FGGY: variants seen among roughly 807,000 people sequenced by gnomAD.
FGGY encodes the protein FGGY carbohydrate kinase domain containing, also known as FGGY carbohydrate kinase domain-containing protein.
FGGY carries 72 observed loss-of-function variants against 71.3 expected under a neutral mutation model. That is an observed-to-expected ratio of 1.01 (90% confidence interval 0.84 to 1.23). The LOEUF (loss-of-function observed/expected upper bound fraction) is 1.23, where lower values mean the gene tolerates loss of function less well. FGGY is among the 50% of genes most tolerant of loss of function. The pLI is 0.00. For synonymous variants in FGGY, 251 were observed against 250.3 expected (o/e 1.00, Z -0.02); for missense variants, 668 against 682.3 (o/e 0.98, Z 0.23).
chr1:59,628,853 T>G (rs1204584504), intron 10 of FGGY, among the ~76,000 whole-genome samples: 1 of 152,148 alleles, frequency 6.6e-6, no homozygotes, highest in Non-Finnish European at 1.5e-5. Flanking sequence ...CACTTTCTGT[T>G]TCTGGGCTAT....
intron 4 of FGGY, among the ~76,000 whole-genome samples, chr1:59,352,623 G>C (rs980017082): frequency 6.6e-6 from 1 of 152,164 alleles, no homozygotes; most frequent in Non-Finnish European, 1.5e-5. Context: ...TGGATGGCTA[G>C]AGAGGTGGTT....
At chr1:59,493,096 A>AACACACAC (rs3035371) in intron 6 of FGGY, among the ~76,000 whole-genome samples, 6,272 of 143,064 alleles carry the variant, frequency 0.044, 187 homozygotes, top group East Asian at 0.13. Flanking sequence ...TACCAAACAA[A>AACACACAC]ACACACACAC....
At chr1:59,331,523 A>G (rs1448174975) in intron 2 of FGGY, among the ~76,000 whole-genome samples, 9 of 151,962 alleles carry the variant, frequency 5.9e-5, no homozygotes, top group East Asian at 1.9e-4. Flanking sequence ...TCCACTCCTC[A>G]TGTCTTTCAG....
At chr1:59,378,426 A>C (rs1290568921) in intron 4 of FGGY, among the ~76,000 whole-genome samples, 1 of 151,488 alleles carries the variant, frequency 6.6e-6, no homozygotes, top group East Asian at 1.9e-4. Context: ...CATTAAACCT[A>C]TTTTTCTTTA....
chr1:59,379,369 G>A (rs115769307), intron 5 of FGGY, among the ~76,000 whole-genome samples: 2,841 of 152,192 alleles, frequency 0.019, 83 homozygotes, highest in African/African-American at 0.065. Flanking sequence ...TGTAGAGCAT[G>A]TTACTGTACT....
chr1:59,312,966 G>A lies in FGGY; in HGVS notation c.-14-8570G>A, dbSNP rs376099958. Among the ~76,000 whole-genome samples the A allele has an allele frequency of 6.8e-4, 103 of 152,262 alleles. 4 individuals are homozygous for A. In the South Asian group the frequency reaches 0.021, roughly 31 times the overall value. On this transcript the variant is annotated intron_variant, in intron 1 of 15. Coordinates refer to ENST00000303721, the MANE Select transcript of FGGY (RefSeq NM_018291.5). ...TACTGTCTTTCTGATTTAATACCAT[G>A]TCCCTCTTCCAATCATCTGTTAGTC...
chr1:59,636,516 G>T (rs531298685), intron 10 of FGGY, among the ~76,000 whole-genome samples: 121 of 152,184 alleles, frequency 8.0e-4, no homozygotes, highest in South Asian at 1.7e-3. Flanking sequence ...CCAGCTACTC[G>T]GGAGGCTGAG....
At chr1:59,662,339 A>T (rs1470024740) in intron 12 of FGGY, among the ~76,000 whole-genome samples, 1 of 149,394 alleles carries the variant, frequency 6.7e-6, no homozygotes, top group Non-Finnish European at 1.5e-5. Context: ...AAAAAAAGAG[A>T]GAGATTTTAT....
At chr1:59,318,404 G>GGAATTAA (rs1425508320) in intron 1 of FGGY, among the ~76,000 whole-genome samples, 2 of 152,190 alleles carry the variant, frequency 1.3e-5, no homozygotes, top group Admixed American at 6.5e-5. Context: ...GGCGGCAGCT[G>GGAATTAA]GAATTAACTG....
chr1:59,553,975 G>T, intron 7 of FGGY, 149 bp from the exon 8 acceptor site: 1 of 548,414 alleles, frequency 1.8e-6, no homozygotes, highest in Non-Finnish European at 3.1e-6. Flanking sequence ...TGCCCTTTGG[G>T]TTTCTCCTTG....
chr1:59,747,760 A>G (rs1203903669), intron 14 of FGGY, among the ~76,000 whole-genome samples: 1 of 152,228 alleles, frequency 6.6e-6, no homozygotes, highest in African/African-American at 2.4e-5. Context: ...TTGTAAGCAC[A>G]ATATAATGAC....
chr1:59,632,700 T>C (rs906456144), intron 10 of FGGY, among the ~76,000 whole-genome samples: 15 of 152,222 alleles, frequency 9.9e-5, no homozygotes, highest in African/African-American at 3.6e-4. Flanking sequence ...GAAATGAGGA[T>C]TATTGGGAGC....
Position 59,594,020 on chromosome 1 carries a change from A to G in FGGY, c.904-13783A>G, listed in dbSNP as rs528789832. Among the ~76,000 whole-genome samples the G allele has an allele frequency of 4.6e-5, 7 of 152,366 alleles. No individual in the cohort carries two copies. The South Asian group carries it at 1.0e-3, about 23-fold the overall frequency. ...TGCAACCCTGGGGGGCAGCTATTAT[A>G]TAAACTTCTTACAACAATTAACACA... On this transcript the variant is annotated intron_variant, in intron 8 of 15. Transcript: ENST00000303721.
At chr1:59,475,202 G>A (rs12087639) in intron 6 of FGGY, among the ~76,000 whole-genome samples, 9,064 of 152,128 alleles carry the variant, frequency 0.06, 901 homozygotes, top group African/African-American at 0.21. Context: ...GATACAATAA[G>A]ATTAATTAGA....
chr1:59,345,685 T>G (rs1360696472), intron 3 of FGGY, among the ~76,000 whole-genome samples: 1 of 150,952 alleles, frequency 6.6e-6, no homozygotes, highest in Non-Finnish European at 1.5e-5. Context: ...CCCATGAGCT[T>G]CCCACGCCAG....
At chr1:59,753,325 C>T (rs1009001796) in intron 14 of FGGY, among the ~76,000 whole-genome samples, 1 of 151,550 alleles carries the variant, frequency 6.6e-6, no homozygotes, top group Non-Finnish European at 1.5e-5. Flanking sequence ...AATTGAAAAA[C>T]TCAGCAGTGC....
chr1:59,338,487 A>C (rs1484520797), intron 2 of FGGY, among the ~76,000 whole-genome samples: 2 of 151,962 alleles, frequency 1.3e-5, no homozygotes, highest in East Asian at 3.9e-4. Context: ...TTTTGTGGGA[A>C]TGTTTTAAGC....
chr1:59,527,126 A>G (rs1425954696), intron 7 of FGGY, among the ~76,000 whole-genome samples: 2 of 152,242 alleles, frequency 1.3e-5, no homozygotes, highest in Admixed American at 6.5e-5. Context: ...TTCGTTATCA[A>G]GCATGTGCCT....
chr1:59,626,681 C>T (rs2096859632), intron 10 of FGGY: 1 of 152,114 alleles, frequency 6.6e-6, no homozygotes, highest in Non-Finnish European at 1.5e-5. Context: ...ATGGTGAAAC[C>T]CCATCTCTAC....
Sources: allele counts gnomAD v4.1 joint callset (sites outside exome capture counted in the v4.1 genomes callset), GRCh38; gene constraint gnomAD v4.1.1; transcripts MANE v1.5; gene names NCBI Gene and HGNC (gene_info 2026-07-23, HGNC 2026-07-21).